Variants in EBF4 observed in about 807,000 individuals in gnomAD.
EBF4 encodes the protein EBF transcription factor 4, also known as transcription factor COE4.
A neutral mutation model predicts 67.1 loss-of-function variants in EBF4; 34 were observed. The ratio of observed to expected loss-of-function variants is 0.51; its 90% CI spans 0.39 to 0.67. The LOEUF is 0.67. Among genes scored for constraint, EBF4 ranks in the 30% least tolerant of loss-of-function variants. The pLI is 0.00. For missense variants in EBF4, 837 were observed against 873.3 expected, an observed-to-expected ratio of 0.96 and a Z score of 0.52; for synonymous variants, 387 against 377.7, an observed-to-expected ratio of 1.02 and a Z score of -0.29.
chr20:2,742,001 A>G (rs2087974963), intron 6 of EBF4, among the ~76,000 whole-genome samples: 1 of 152,142 alleles, frequency 6.6e-6, no homozygotes, highest in African/African-American at 2.4e-5. Context: ...ACCCTGTTGA[A>G]TTTGTAACCT....
chr20:2,744,114 C>T (rs2088011123), intron 6 of EBF4, among the ~76,000 whole-genome samples: 1 of 146,790 alleles, frequency 6.8e-6, no homozygotes, highest in Non-Finnish European at 1.5e-5. Flanking sequence ...AAGTCTCACT[C>T]TTGTCCCCCA....
At chr20:2,693,446 G>C (rs2087240408), upstream of EBF4, 4 of 481,418 alleles carry the variant, frequency 8.3e-6, no homozygotes, top group African/African-American at 4.0e-5. The surrounding 1 kb of genome is among the most constrained non-coding windows in gnomAD (Gnocchi z 4.6). Flanking sequence ...CGCCCCAGGA[G>C]GGGAGGGGAC....
chr20:2,723,504 C>T (rs2087710232), intron 6 of EBF4, among the ~76,000 whole-genome samples: 1 of 152,004 alleles, frequency 6.6e-6, no homozygotes, highest in Admixed American at 6.6e-5. Context: ...GCGCCGCCAC[C>T]ACGCCCGGCT....
Position 2,707,818 on chromosome 20 carries a change from G to C in EBF4, c.415-129G>C. On this transcript the variant is annotated intron_variant, in intron 4 of 16. Coordinates refer to ENST00000609451, the Ensembl canonical transcript of EBF4. The surrounding 1 kb of genome is among the most constrained non-coding windows in gnomAD (Gnocchi z 4.6). ...CCTGGGCAGCCCAGAGCAAGGCAGAGGGCGTGCTCTTCCCTGGGGCAGGGT... is the reference window on the plus strand; with the variant it reads ...CCTGGGCAGCCCAGAGCAAGGCAGACGGCGTGCTCTTCCCTGGGGCAGGGT... 1 of 880,716 alleles carries C rather than the reference G, an allele frequency of 1.1e-6. No homozygotes were observed. Among genetic ancestry groups the C allele is most frequent in the Non-Finnish European group, 1.7e-6 (1 of 598,628 alleles). 54.6% of individuals were successfully genotyped at this position (880,716 alleles called of 1,614,324 possible). A position where few individuals can be genotyped will look rare whatever the true frequency, so the allele number is the denominator to read the frequency against.
intron 1 of EBF4, among the ~76,000 whole-genome samples, chr20:2,698,250 G>T (rs1196274956): frequency 1.3e-5 from 2 of 152,218 alleles, no homozygotes; most frequent in Non-Finnish European, 2.9e-5. Flanking sequence ...GGGAAGAGGG[G>T]ATAGGGACCC....
chr20:2,755,410 G>T lies in EBF4; in HGVS notation c.1541-217G>T, dbSNP rs2088226079. ...TTTGCTTTTGTCTTTACCTGGTCTG[G>T]CCCTGTCATCCCCAGCCCCGAGAAA... On this transcript the variant is annotated intron_variant, in intron 14 of 16. Coordinates refer to ENST00000609451, the Ensembl canonical transcript of EBF4. This position sits in a 1 kb window ranked among gnomAD's most constrained non-coding sequence, Gnocchi z 4.7. The T allele has an allele frequency of 3.6e-6, 2 of 562,124 alleles. No homozygotes were observed. The highest frequency in any genetic ancestry group is 4.7e-5 in the South Asian group (2 of 42,998). 34.8% of individuals were successfully genotyped at this position (562,124 alleles called of 1,614,324 possible). A position where few individuals can be genotyped will look rare whatever the true frequency, so the allele number is the denominator to read the frequency against.
At position 2,742,492 on chromosome 20, in the gene EBF4, A is replaced by G. The variant is rs926364685; in HGVS notation, c.558-6057A>G. Among the ~76,000 whole-genome samples, 5 of 152,284 alleles carry G rather than the reference A, an allele frequency of 3.3e-5. No homozygotes were observed. In the South Asian group the frequency reaches 8.3e-4, roughly 25 times the overall value. ...GCTTGTATTTATGGTGTTTTCTTCC[A>G]GTAATCCTAATGGAAGCTTCTGCGA... On this transcript the variant is annotated intron_variant, in intron 6 of 16. Coordinates refer to ENST00000609451, the Ensembl canonical transcript of EBF4.
chr20:2,726,252 T>G (rs2087745077), intron 6 of EBF4, among the ~76,000 whole-genome samples: 1 of 152,146 alleles, frequency 6.6e-6, no homozygotes, highest in South Asian at 2.1e-4. Context: ...AATATGATGC[T>G]GTGGCCAGGC....
chr20:2,736,489 T>C (rs531361509), intron 6 of EBF4, among the ~76,000 whole-genome samples: 4 of 152,290 alleles, frequency 2.6e-5, no homozygotes, highest in South Asian at 4.1e-4. Context: ...ATTCCCTGTT[T>C]TCCTCTACAG....
At chr20:2,697,472 G>C (rs2146362089) in intron 1 of EBF4, among the ~76,000 whole-genome samples, 1 of 152,122 alleles carries the variant, frequency 6.6e-6, no homozygotes, top group Non-Finnish European at 1.5e-5. Context: ...GTGAACCCGG[G>C]AGGCGGAGCT....
rs1444777772 is a variant in EBF4, at chr20:2,747,717, C to G, written c.558-832C>G. Among the ~76,000 whole-genome samples, 3 of 152,106 alleles carry G rather than the reference C, an allele frequency of 2.0e-5. No individual in the cohort carries two copies. The highest frequency in any genetic ancestry group is 7.2e-5 in the African/African-American group (3 of 41,420). On this transcript the variant is annotated intron_variant, in intron 6 of 16. Transcript: ENST00000609451. This position sits in a 1 kb window ranked among gnomAD's most constrained non-coding sequence, Gnocchi z 4.6. ...GATGGCTTTACAGTATTTGCAATAACTATATTTTGGGTAATCATTTACAAC... is the reference window on the plus strand; with the variant it reads ...GATGGCTTTACAGTATTTGCAATAAGTATATTTTGGGTAATCATTTACAAC...
At chr20:2,718,969 T>C (rs919887192) in intron 6 of EBF4, among the ~76,000 whole-genome samples, 1 of 152,248 alleles carries the variant, frequency 6.6e-6, no homozygotes, top group Non-Finnish European at 1.5e-5. Context: ...TGATATGTTT[T>C]CATTTTTATT....
At chr20:2,706,103 C>T in intron 3 of EBF4, 66 bp downstream of exon 3, 10 of 1,547,206 alleles carry the variant, frequency 6.5e-6, no homozygotes, top group African/African-American at 1.4e-5. Context: ...CATCATGCGA[C>T]ACCTAATGCC....
At chr20:2,693,266 G>A, upstream of EBF4, 1 of 160,076 alleles carries the variant, frequency 6.2e-6, no homozygotes, top group Non-Finnish European at 1.3e-5. This position sits in a 1 kb window ranked among gnomAD's most constrained non-coding sequence, Gnocchi z 4.6. Context: ...CTCCCGGGGC[G>A]CTCGGGCCCC....
At chr20:2,699,050 C>A (rs2087338044) in intron 1 of EBF4, among the ~76,000 whole-genome samples, 1 of 152,130 alleles carries the variant, frequency 6.6e-6, no homozygotes, top group South Asian at 2.1e-4. Context: ...GTGAGGGGGG[C>A]TTTGTCTGTA....
intron 6 of EBF4, among the ~76,000 whole-genome samples, chr20:2,725,175 A>C (rs575344880): frequency 6.6e-6 from 1 of 152,138 alleles, no homozygotes; most frequent in South Asian, 2.1e-4. Flanking sequence ...CTCTTCTGGC[A>C]CTCCAAAGAA....
chr20:2,756,760 A>G lies in EBF4; in HGVS notation c.1738+936A>G, dbSNP rs2088250359. 6.6e-6 allele frequency among the ~76,000 whole-genome samples: 1 copy of G among 152,218 alleles called. No individual in the cohort carries two copies. The highest frequency in any genetic ancestry group is 1.9e-4 in the East Asian group (1 of 5,198). On this transcript the variant is annotated intron_variant, in intron 15 of 16. Coordinates refer to ENST00000609451, the Ensembl canonical transcript of EBF4. The surrounding 1 kb of genome is among the most constrained non-coding windows in gnomAD (Gnocchi z 4.5). ...AAGAGGTTGGGTTAGAGCACGTCCT[A>G]TTGAGTATTCCCCAAGACAATAATG...
chr20:2,752,412 C>A, exon 14 of EBF4: 2 of 1,293,130 alleles, frequency 1.5e-6, no homozygotes, highest in Non-Finnish European at 2.0e-6. Flanking sequence ...CCAGCCCCGG[C>A]TCGCAGCAGA....
At chr20:2,750,052 T>C in intron 10 of EBF4, 79 bp downstream of exon 10, 1 of 1,466,512 alleles carries the variant, frequency 6.8e-7, no homozygotes, top group Non-Finnish European at 9.0e-7. Flanking sequence ...CCGTTCTTGG[T>C]GATAGGAGTT....
Sources: allele counts gnomAD v4.1 joint callset (sites outside exome capture counted in the v4.1 genomes callset), GRCh38; gene constraint gnomAD v4.1.1; non-coding constraint Gnocchi (gnomAD v3.1); transcripts MANE v1.5; gene names NCBI Gene and HGNC (gene_info 2026-07-23, HGNC 2026-07-21).